Variants in STK35 observed in about 807,000 individuals in gnomAD.
STK35 encodes serine/threonine kinase 35.
Under a neutral mutation model 37.3 loss-of-function variants are expected in STK35, and 17 were observed. The observed-to-expected ratio is 0.46, with a 90% CI of 0.31 to 0.68. The LOEUF is 0.68. Among genes scored for constraint, STK35 ranks in the 30% least tolerant of loss-of-function variants. The pLI, the probability that STK35 is intolerant of heterozygous loss-of-function variation, is 0.05. For missense variants in STK35, 595 were observed against 746.7 expected (o/e 0.80, Z 2.37); for synonymous variants, 385 against 319.1 (o/e 1.21, Z -2.20).
Position 2,102,166 on chromosome 20 carries a change from C to G in STK35, c.285C>G (p.Cys95Trp). Residue 95 changes from cysteine (C) to tryptophan (W), a missense_variant, in exon 1 of 4, where the codon TGC becomes TGG. By Grantham distance (215) the Cys-to-Trp change is radical. Transcript: ENST00000381482. ...GGKRAARKWR[C>W]AGQVTIQGPA... Reference sequence around the variant, plus strand: ...AACGGGCCGCCCGGAAGTGGAGGTGCGCGGGCCAGGTAAGGGCGCCGTTGG... The same window carrying G: ...AACGGGCCGCCCGGAAGTGGAGGTGGGCGGGCCAGGTAAGGGCGCCGTTGG... The G allele has an allele frequency of 7.2e-7, 1 of 1,386,294 alleles. No homozygotes were observed. Among genetic ancestry groups the G allele is most frequent in the Admixed American group, 3.1e-5 (1 of 32,054 alleles). The allele number at this position is 1,386,294 out of a possible 1,614,324, so 85.9% of individuals were successfully genotyped here. A position where few individuals can be genotyped will look rare whatever the true frequency, so the allele number is the denominator to read the frequency against.
Position 2,113,649 on chromosome 20 carries a change from T to TA in STK35, c.893-3016dup, listed in dbSNP as rs141725463. On this transcript the variant is annotated intron_variant, in intron 2 of 3. Coordinates refer to ENST00000381482, the MANE Select transcript of STK35 (RefSeq NM_080836.4). ...ATCTTTTGCCTAACATGTAAAAACT[T>TA]ACTCTTACGGCCTACAGCACTGGGA... Among the ~76,000 whole-genome samples the TA allele has an allele frequency of 4.6e-3, 698 of 152,338 alleles. 3 individuals carry two copies. Among genetic ancestry groups the TA allele is most frequent in the African/African-American group, 0.013 (555 of 41,572 alleles).
chr20:2,107,739 G>T (rs1462214431), intron 2 of STK35, among the ~76,000 whole-genome samples: 1 of 152,152 alleles, frequency 6.6e-6, no homozygotes, highest in East Asian at 1.9e-4. Flanking sequence ...GGAACCTTCA[G>T]AGCAGAGCAA....
intron 3 of STK35, among the ~76,000 whole-genome samples, chr20:2,132,451 G>A (rs966338706): frequency 2.6e-5 from 4 of 152,250 alleles, no homozygotes; most frequent in African/African-American, 7.2e-5. Flanking sequence ...AAGCTAAATA[G>A]GGCTAAGTTG....
Position 2,117,818 on chromosome 20 carries a change from T to C in STK35, c.*37+403T>C, listed in dbSNP as rs1188147624. 6.6e-6 allele frequency among the ~76,000 whole-genome samples: 1 copy of C among 152,166 alleles called. No individual in the cohort carries two copies. The highest frequency in any genetic ancestry group is 1.5e-5 in the Non-Finnish European group (1 of 68,036). ...GGACCCTGGCATGGGCCCTGTGAAC[T>C]TGCAGGGGAATACAAAGTTGAAGAA... is the stretch of plus-strand genomic sequence containing the variant. On this transcript the variant is annotated intron_variant, in intron 3 of 3. Transcript: ENST00000381482. The surrounding 1 kb of genome is among the most constrained non-coding windows in gnomAD (Gnocchi z 4.4).
chr20:2,111,308 G>A (rs1349946965), intron 2 of STK35, among the ~76,000 whole-genome samples: 1 of 152,200 alleles, frequency 6.6e-6, no homozygotes, highest in Non-Finnish European at 1.5e-5. Flanking sequence ...AGTCAATGGT[G>A]TGCCCATAGC....
intron 3 of STK35, among the ~76,000 whole-genome samples, chr20:2,138,423 T>C (rs1986120641): frequency 6.6e-6 from 1 of 152,192 alleles, no homozygotes; most frequent in African/African-American, 2.4e-5. Flanking sequence ...ACTTGAAGAA[T>C]TCTTCACTCT....
At chr20:2,102,655 C>A in intron 1 of STK35, 113 bp from the exon 2 acceptor site, 1 of 1,022,408 alleles carries the variant, frequency 9.8e-7, no homozygotes, top group Non-Finnish European at 1.3e-6. Flanking sequence ...GCGGTGGCTT[C>A]CGTCTTAAAG....
At chr20:2,102,560 CT>C (rs1985415430) in intron 1 of STK35, among the ~76,000 whole-genome samples, 2 of 152,248 alleles carry the variant, frequency 1.3e-5, no homozygotes, top group South Asian at 4.1e-4. Flanking sequence ...AGAGTTTGTG[CT>C]TTTCTTTCCG....
Position 2,102,785 on chromosome 20 carries a change from G to A in STK35, c.312G>A (p.Pro104=), listed in dbSNP as rs1416922650. The part of the protein sequence containing the change: ...RCAGQVTIQG[P]APPRPRAGRR... Reference sequence around the variant, plus strand: ...GCCCGCAGGTCACAATCCAAGGTCCGGCTCCTCCGCGTCCCAGGGCCGGAC... The same window carrying A: ...GCCCGCAGGTCACAATCCAAGGTCCAGCTCCTCCGCGTCCCAGGGCCGGAC... The change falls in exon 2 of 4, where the codon CCG becomes CCA. Residue 104 remains proline, a synonymous_variant. Coordinates refer to ENST00000381482, the MANE Select transcript of STK35 (RefSeq NM_080836.4). 6.8e-7 allele frequency: 1 copy of A among 1,465,800 alleles called. No individual in the cohort carries two copies. The highest frequency in any genetic ancestry group is 2.3e-5 in the Admixed American group (1 of 43,286). 90.8% of individuals were successfully genotyped at this position (1,465,800 alleles called of 1,614,324 possible). A position where few individuals can be genotyped will look rare whatever the true frequency, so the allele number is the denominator to read the frequency against.
intron 3 of STK35, among the ~76,000 whole-genome samples, chr20:2,141,397 T>C (rs1160989648): frequency 6.6e-6 from 1 of 152,022 alleles, no homozygotes; most frequent in Non-Finnish European, 1.5e-5. Flanking sequence ...CCACACCCAC[T>C]TTCTTGGTCA....
Position 2,102,964 on chromosome 20 carries a change from T to A in STK35, c.491T>A (p.Leu164Gln), listed in dbSNP as rs757027239. 4.7e-5 allele frequency: 68 copies of A among 1,445,686 alleles called. No individual in the cohort carries two copies. Among genetic ancestry groups the A allele is most frequent in the Non-Finnish European group, 5.9e-5 (65 of 1,105,322 alleles). The allele number at this position is 1,445,686 out of a possible 1,614,324, so 89.6% of individuals were successfully genotyped here. ...GTGCCGCGGGCGCCCAGCACGAAGC[T>A]GAGGCCGGCGGCGGCGGCCCGGGCC... Reference protein sequence around the residue: ...SPVPRAPSTKLRPAAAARAMD... With the variant: ...SPVPRAPSTKQRPAAAARAMD... The change falls in exon 2 of 4, where the codon CTG becomes CAG. Residue 164 changes from leucine to glutamine, a missense_variant. Leu to Gln is a moderately radical substitution (Grantham distance 113, BLOSUM62 -2). Transcript: ENST00000381482.
intron 1 of STK35, among the ~76,000 whole-genome samples, chr20:2,102,445 T>C (rs1285960825): frequency 6.6e-6 from 1 of 151,898 alleles, no homozygotes; most frequent in Non-Finnish European, 1.5e-5. Flanking sequence ...CAAAGAAAAA[T>C]ATTTCCGCCG....
At chr20:2,112,955 T>TTA (rs1277057161) in intron 2 of STK35, among the ~76,000 whole-genome samples, 2 of 152,306 alleles carry the variant, frequency 1.3e-5, no homozygotes, top group South Asian at 2.1e-4. Context: ...TCTATTCCAA[T>TTA]TATATATCCT....
chr20:2,127,500 C>A (rs1015148532), intron 3 of STK35, among the ~76,000 whole-genome samples: 4 of 152,100 alleles, frequency 2.6e-5, no homozygotes, highest in African/African-American at 9.7e-5. Flanking sequence ...TTGGAAGGAA[C>A]CCTTGGTTTG....
intron 3 of STK35, among the ~76,000 whole-genome samples, chr20:2,142,835 C>T (rs745420724): frequency 3.3e-5 from 5 of 152,192 alleles, no homozygotes; most frequent in East Asian, 1.9e-4. Flanking sequence ...CCCAGGACAG[C>T]GCTATACTTA....
intron 3 of STK35, among the ~76,000 whole-genome samples, chr20:2,124,783 C>T (rs995485306): frequency 5.9e-5 from 9 of 152,190 alleles, no homozygotes; most frequent in African/African-American, 2.2e-4. Flanking sequence ...TACAAAGAGA[C>T]ATGTCCCTTG....
Position 2,144,171 on chromosome 20 carries a change from T to C in STK35, c.*425T>C, listed in dbSNP as rs1600625739. 3.3e-6 allele frequency: 1 copy of C among 300,656 alleles called. No homozygotes were observed. The highest frequency in any genetic ancestry group is 6.4e-6 in the Non-Finnish European group (1 of 157,456). The allele number at this position is 300,656 out of a possible 1,614,324, so 18.6% of individuals were successfully genotyped here. A position where few individuals can be genotyped will look rare whatever the true frequency, so the allele number is the denominator to read the frequency against. On this transcript the variant is annotated 3_prime_UTR_variant, in exon 4 of 4. Transcript: ENST00000381482. ...CCCTCTGTCTTCCTTCTTTATACTTTTCTCAGTTCTACTTATGACACCTCA... is the reference window on the plus strand; with the variant it reads ...CCCTCTGTCTTCCTTCTTTATACTTCTCTCAGTTCTACTTATGACACCTCA...
At position 2,132,782 on chromosome 20, in the gene STK35, T is replaced by G. The variant is rs1385115119; in HGVS notation, c.*38-11002T>G. 2.6e-5 allele frequency among the ~76,000 whole-genome samples: 4 copies of G among 152,182 alleles called. No homozygotes were observed. The South Asian group carries it at 8.3e-4, about 32-fold the overall frequency. The stretch of plus-strand genomic sequence containing the variant: ...CTTGCTGTTGAACCTGTTGGACTGG[T>G]CAATCTAGGTTTAAACGGCAGCTCT... On this transcript the variant is annotated intron_variant, in intron 3 of 3. Transcript: ENST00000381482.
rs768467924 is a variant in STK35, at chr20:2,101,942, A to T, written c.61A>T (p.Arg21Trp). 1.0e-5 allele frequency: 15 copies of T among 1,503,400 alleles called. No homozygotes were observed. Among genetic ancestry groups the T allele is most frequent in the East Asian group, 7.6e-5 (3 of 39,230 alleles). The allele number at this position is 1,503,400 out of a possible 1,614,324, so 93.1% of individuals were successfully genotyped here. A position where few individuals can be genotyped will look rare whatever the true frequency, so the allele number is the denominator to read the frequency against. The change falls in exon 1 of 4, where the codon AGG becomes TGG. Residue 21 changes from arginine to tryptophan, a missense_variant. Arg to Trp is a moderately radical substitution (Grantham distance 101, BLOSUM62 -3). Coordinates refer to ENST00000381482, the MANE Select transcript of STK35 (RefSeq NM_080836.4). ...GGCGGGAGGTGCAGCTTATGTAAAG[A>T]GGTTATGTAAAGGGCTCAGCTGGCG... ...APAGGAAYVK[R>W]LCKGLSWREH... is the part of the protein sequence containing the mutation.
Sources: gnomAD v4.1 joint callset for allele counts (sites outside exome capture counted in the v4.1 genomes callset) on GRCh38, gnomAD v4.1.1 for gene constraint, Gnocchi (gnomAD v3.1) non-coding constraint, MANE v1.5 for transcripts, NCBI Gene and HGNC (gene_info 2026-07-23, HGNC 2026-07-21) for gene names.